The following DNAH3 variants were observed in gnomAD, a reference collection of about 807,000 sequenced individuals.
The protein encoded by DNAH3 is dynein axonemal heavy chain 3.
In DNAH3, 332 loss-of-function variants were observed where a neutral mutation model predicts 432.5. The ratio of observed to expected loss-of-function variants is 0.77; its 90% CI spans 0.70 to 0.84. The LOEUF is 0.84. Ranked by LOEUF, DNAH3 falls within the 40% of genes least tolerant of loss-of-function variation. The probability of loss-of-function intolerance (pLI) is 0.00; values close to 1 mark genes in which losing one functional copy is unlikely to be tolerated. For missense variants in DNAH3, 4,861 were observed against 5,114.0 expected (o/e 0.95, Z 1.51); for synonymous variants, 1,956 against 1,900.2 (o/e 1.03, Z -0.76).
At chr16:20,975,756 CT>C (rs201026714) in intron 50 of DNAH3, among the ~76,000 whole-genome samples, 1 of 151,724 alleles carries the variant, frequency 6.6e-6, no homozygotes, top group Non-Finnish European at 1.5e-5. Context: ...CAAGTTAAGA[CT>C]TTTTTTTGAC....
chr16:21,149,634 G>C (rs987877029), intron 1 of DNAH3, among the ~76,000 whole-genome samples: 1 of 152,094 alleles, frequency 6.6e-6, no homozygotes, highest in Admixed American at 6.6e-5. Flanking sequence ...ATCTAGGAGT[G>C]GGGGACCAAG....
exon 17 of DNAH3, chr16:21,098,753 A>G (rs1224174590): frequency 1.2e-6 from 2 of 1,608,442 alleles, no homozygotes; most frequent in East Asian, 2.2e-5. Context: ...TCAAGTCTCA[A>G]CTCAAATTCT....
At chr16:21,058,274 C>T (rs952579495) in intron 26 of DNAH3, 78 bp from the exon 27 acceptor site, 1 of 775,916 alleles carries the variant, frequency 1.3e-6, no homozygotes, top group African/African-American at 1.7e-5. Flanking sequence ...ATGCCCCAAC[C>T]ACCTCACCAC....
At chr16:21,052,191 C>T (rs1198223232) in intron 28 of DNAH3, among the ~76,000 whole-genome samples, 8 of 152,094 alleles carry the variant, frequency 5.3e-5, no homozygotes, top group Admixed American at 5.2e-4. Context: ...GGGGTTTCAA[C>T]ATGTTGGCCA....
intron 23 of DNAH3, among the ~76,000 whole-genome samples, chr16:21,068,306 T>C (rs2090644958): frequency 7.1e-6 from 1 of 140,286 alleles, no homozygotes; most frequent in Non-Finnish European, 1.5e-5. Flanking sequence ...TAACTATTTG[T>C]ATATTACTTT....
chr16:21,038,298 C>T (rs1045870809), intron 33 of DNAH3, among the ~76,000 whole-genome samples: 8 of 152,034 alleles, frequency 5.3e-5, no homozygotes, highest in South Asian at 2.1e-4. Flanking sequence ...GCCAGGAGTC[C>T]GAGGCCAGGA....
At chr16:21,019,660 C>G (rs759608430) in exon 41 of DNAH3, 1 of 1,613,950 alleles carries the variant, frequency 6.2e-7, no homozygotes, top group African/African-American at 1.3e-5. Context: ...GTGAGTTTGA[C>G]GCTTTTGGGC....
intron 52 of DNAH3, among the ~76,000 whole-genome samples, chr16:20,969,047 T>G (rs746961071): frequency 6.6e-6 from 1 of 151,988 alleles, no homozygotes; most frequent in Non-Finnish European, 1.5e-5. Flanking sequence ...TGCATCTCAC[T>G]TGTGCATGCA....
exon 53 of DNAH3, chr16:20,964,718 T>C: frequency 6.2e-7 from 1 of 1,614,154 alleles, no homozygotes; most frequent in Non-Finnish European, 8.5e-7. Flanking sequence ...AGCCCAGCAA[T>C]CTGCCAGGCA....
intron 18 of DNAH3, among the ~76,000 whole-genome samples, chr16:21,087,914 A>G (rs988916806): frequency 1.3e-5 from 2 of 152,182 alleles, no homozygotes; most frequent in Admixed American, 6.5e-5. Flanking sequence ...TATGTATTTT[A>G]AAAGCAAAAA....
intron 21 of DNAH3, among the ~76,000 whole-genome samples, chr16:21,071,482 A>G (rs909578901): frequency 1.3e-5 from 2 of 151,598 alleles, no homozygotes; most frequent in East Asian, 3.9e-4. Context: ...CTACCTCCCC[A>G]TTTTTCATGC....
chr16:21,067,400 A>T, exon 24 of DNAH3: 2 of 1,613,898 alleles, frequency 1.2e-6, no homozygotes, highest in Non-Finnish European at 1.7e-6. Flanking sequence ...GGCTGCCACC[A>T]GAATCCTGTT....
At chr16:21,064,035 G>A (rs555303477) in intron 24 of DNAH3, among the ~76,000 whole-genome samples, 20 of 152,246 alleles carry the variant, frequency 1.3e-4, no homozygotes, top group South Asian at 1.2e-3. Flanking sequence ...AAATGGCCAC[G>A]ATATTTACAG....
At chr16:21,145,562 A>G (rs529908212) in intron 2 of DNAH3, among the ~76,000 whole-genome samples, 156 bp from the exon 4 acceptor site, 1 of 152,208 alleles carries the variant, frequency 6.6e-6, no homozygotes, top group Non-Finnish European at 1.5e-5. Flanking sequence ...ACAGACACCA[A>G]CTGTACTTCT....
chr16:20,970,080 G>A, intron 51 of DNAH3, 90 bp from the exon 52 acceptor site: 1 of 1,231,820 alleles, frequency 8.1e-7, no homozygotes, highest in Admixed American at 1.7e-5. Flanking sequence ...TGAGGAAGAA[G>A]GAAGAGGTGC....
chr16:21,039,079 G>A (rs374412441), intron 33 of DNAH3, among the ~76,000 whole-genome samples: 5 of 152,286 alleles, frequency 3.3e-5, no homozygotes, highest in East Asian at 1.9e-4. Context: ...ACACTGATCC[G>A]TGTATAACTG....
At chr16:21,022,346 T>G (rs2088282911) in intron 39 of DNAH3, among the ~76,000 whole-genome samples, 1 of 152,214 alleles carries the variant, frequency 6.6e-6, no homozygotes, top group Non-Finnish European at 1.5e-5. Flanking sequence ...CCAGAGCTGA[T>G]ACTCAGAGAG....
chr16:21,041,929 T>G, intron 32 of DNAH3, 98 bp downstream of exon 32: 1 of 1,441,586 alleles, frequency 6.9e-7, no homozygotes, highest in Non-Finnish European at 9.6e-7. Context: ...CACCTTGGCC[T>G]CCCAAAGTGC....
At chr16:21,100,457 C>G (rs1180305928) in intron 16 of DNAH3, among the ~76,000 whole-genome samples, 1 of 152,170 alleles carries the variant, frequency 6.6e-6, no homozygotes, top group Admixed American at 6.5e-5. Context: ...CAAGAATATC[C>G]TTAGTGTAAA....
Sources: allele counts gnomAD v4.1 joint callset (sites outside exome capture counted in the v4.1 genomes callset), GRCh38; gene constraint gnomAD v4.1.1; transcripts MANE v1.5; gene names NCBI Gene and HGNC (gene_info 2026-07-23, HGNC 2026-07-21).